Variants in GPM6A observed in about 807,000 individuals in gnomAD.
GPM6A encodes neuronal membrane glycoprotein M6-a.
In GPM6A, 7 loss-of-function variants were observed where a neutral mutation model predicts 32.1. The observed-to-expected ratio is 0.22, with a 90% CI of 0.12 to 0.41. The LOEUF (loss-of-function observed/expected upper bound fraction) is 0.41, where lower values mean the gene tolerates loss of function less well. GPM6A is among the 10% of genes least tolerant of loss of function. GPM6A has a pLI of 1.00. For synonymous variants in GPM6A, 130 were observed against 123.4 expected, an observed-to-expected ratio of 1.05 and a Z score of -0.35; for missense variants, 235 against 347.2, an observed-to-expected ratio of 0.68 and a Z score of 2.57.
rs1431142651 is a variant in GPM6A at position 175,677,268 on chromosome 4, AG to A, written c.231-3433del. On this transcript the variant is annotated intron_variant, in intron 2 of 6. Coordinates refer to ENST00000393658, the MANE Select transcript of GPM6A (RefSeq NM_201591.3). ...CATTTTCATTGTGTAACTACTGTTTAGGCTATAAATTTGGCCTGAAATGTTA... is the reference window on the plus strand; with the variant it reads ...CATTTTCATTGTGTAACTACTGTTTAGCTATAAATTTGGCCTGAAATGTTA... Among the ~76,000 whole-genome samples the A allele has an allele frequency of 5.9e-5, 9 of 152,188 alleles. No individual in the cohort carries two copies. In the South Asian group the frequency reaches 1.0e-3, roughly 18 times the overall value.
chr4:175,691,601 T>C (rs540284962), intron 2 of GPM6A, among the ~76,000 whole-genome samples: 1 of 152,298 alleles, frequency 6.6e-6, no homozygotes, highest in South Asian at 2.1e-4. Flanking sequence ...TTAAACAATG[T>C]TTAGGATATG....
intron 3 of GPM6A, among the ~76,000 whole-genome samples, chr4:175,669,135 A>G (rs754783947): frequency 1.3e-4 from 20 of 152,238 alleles, no homozygotes; most frequent in Non-Finnish European, 2.8e-4. Context: ...ATGGGCATAT[A>G]TAAGTGCCTA....
rs183661120 is a variant in GPM6A, at chr4:175,734,264, T to C, written c.38-32497A>G. Among the ~76,000 whole-genome samples the C allele has an allele frequency of 3.5e-3, 538 of 152,162 alleles. 6 individuals are homozygous for C. The highest frequency in any genetic ancestry group is 6.4e-3 in the Non-Finnish European group (432 of 67,998). Reference sequence around the variant, plus strand: ...CAGAACCAGGTTCTGTTCCCTTGTCTTTAGCTGTTCTCTTTTCTAATTTGC... The same window carrying C: ...CAGAACCAGGTTCTGTTCCCTTGTCCTTAGCTGTTCTCTTTTCTAATTTGC... On this transcript the variant is annotated intron_variant, in intron 1 of 6. Transcript: ENST00000393658.
chr4:175,714,622 C>T (rs757891012), intron 1 of GPM6A, among the ~76,000 whole-genome samples: 1 of 152,090 alleles, frequency 6.6e-6, no homozygotes, highest in Non-Finnish European at 1.5e-5. Flanking sequence ...TATAGTCAGG[C>T]AATTTCTCAA....
At chr4:175,705,590 G>C (rs1745142825) in intron 1 of GPM6A, among the ~76,000 whole-genome samples, 1 of 152,044 alleles carries the variant, frequency 6.6e-6, no homozygotes, top group African/African-American at 2.4e-5. Context: ...TGCTGGCAGG[G>C]GAGCTTCTTT....
chr4:175,984,436 A>T (rs919489203), intron 1 of GPM6A, among the ~76,000 whole-genome samples: 16 of 152,008 alleles, frequency 1.1e-4, no homozygotes, highest in South Asian at 4.2e-4. Context: ...GTGCTGGGAT[A>T]ACAGGCATGA....
At chr4:175,773,637 C>T (rs76630081) in intron 1 of GPM6A, among the ~76,000 whole-genome samples, 3,068 of 152,120 alleles carry the variant, frequency 0.02, 55 homozygotes, top group Non-Finnish European at 0.031. Flanking sequence ...TATTTGTATT[C>T]TTTAGTAAAT....
chr4:175,709,727 CA>C (rs559363193), intron 1 of GPM6A, among the ~76,000 whole-genome samples: 7,609 of 68,548 alleles, frequency 0.11, 301 homozygotes, highest in East Asian at 0.38. Context: ...GACTCCATCT[CA>C]AAAAAAAAAA....
At chr4:175,792,141 T>C (rs1228604212) in intron 1 of GPM6A, among the ~76,000 whole-genome samples, 1 of 152,172 alleles carries the variant, frequency 6.6e-6, no homozygotes, top group African/African-American at 2.4e-5. Flanking sequence ...TATATTTCAG[T>C]CTCTTTAATT....
chr4:175,724,253 A>T (rs1014862372), intron 1 of GPM6A, among the ~76,000 whole-genome samples: 1 of 152,224 alleles, frequency 6.6e-6, no homozygotes, highest in East Asian at 1.9e-4. Context: ...AATGTAAAAA[A>T]GTTGAACTCG....
intron 4 of GPM6A, among the ~76,000 whole-genome samples, chr4:175,651,489 A>G (rs1182327156): frequency 6.6e-6 from 1 of 152,012 alleles, no homozygotes; most frequent in Non-Finnish European, 1.5e-5. Context: ...GCAGTTTATC[A>G]TGGGAGGATA....
chr4:175,958,244 G>C (rs1428693756), intron 1 of GPM6A, among the ~76,000 whole-genome samples: 1 of 152,172 alleles, frequency 6.6e-6, no homozygotes, highest in East Asian at 1.9e-4. Flanking sequence ...TTGCTTTCCT[G>C]TAAAATATTA....
At position 175,701,576 on chromosome 4, in the gene GPM6A, T is replaced by C. The variant is rs754129798; in HGVS notation, c.229A>G (p.Met77Val). 3 of 1,608,018 alleles carry C rather than the reference T, an allele frequency of 1.9e-6. No homozygotes were observed. Among genetic ancestry groups the C allele is most frequent in the Non-Finnish European group, 2.6e-6 (3 of 1,174,562 alleles). ...TAGDTLDVFT[M>V]IDIFKYVIYG... ...ACAAGAAATACTAGAGTGACTTACATGGTAAAAACATCCAGTGTGTCTCCA... is the reference window on the plus strand; with the variant it reads ...ACAAGAAATACTAGAGTGACTTACACGGTAAAAACATCCAGTGTGTCTCCA... The change falls in exon 2 of 7, where the codon ATG (methionine) becomes GTG (valine). Residue 77 changes from methionine to valine, a missense_variant and splice_region_variant. By Grantham distance (21) the Met-to-Val change is conservative (BLOSUM62 1). Around this residue, in one of 3 missense-constraint regions of GPM6A, gnomAD observed 101 missense variants for 171.2 expected, o/e 0.59. Coordinates refer to ENST00000393658, the MANE Select transcript of GPM6A (RefSeq NM_201591.3).
At chr4:175,878,955 G>C (rs962534300) in intron 1 of GPM6A, among the ~76,000 whole-genome samples, 19 of 152,132 alleles carry the variant, frequency 1.2e-4, no homozygotes, top group Admixed American at 1.2e-3. Context: ...ATGCTTTGCT[G>C]CTTAGAAATT....
intron 1 of GPM6A, among the ~76,000 whole-genome samples, chr4:175,757,172 T>G (rs1344175789): frequency 6.6e-6 from 1 of 151,992 alleles, no homozygotes; most frequent in Non-Finnish European, 1.5e-5. Context: ...GAGTGCTGCT[T>G]CAGTCACCCT....
intron 3 of GPM6A, among the ~76,000 whole-genome samples, chr4:175,669,157 C>T (rs1343144933): frequency 6.6e-6 from 1 of 152,130 alleles, no homozygotes; most frequent in Non-Finnish European, 1.5e-5. Flanking sequence ...CAAATATTTC[C>T]CATTATTATT....
chr4:175,892,679 C>T (rs1165593006), intron 1 of GPM6A, among the ~76,000 whole-genome samples: 1 of 152,156 alleles, frequency 6.6e-6, no homozygotes, highest in Non-Finnish European at 1.5e-5. Flanking sequence ...CACCCAATTG[C>T]CCCTTCTCAC....
Position 175,636,260 on chromosome 4 carries a change from GTATATATATATATATA to G in GPM6A, c.685-1219_685-1204del, listed in dbSNP as rs34516159. On this transcript the variant is annotated intron_variant, in intron 6 of 6. Coordinates refer to ENST00000393658, the MANE Select transcript of GPM6A (RefSeq NM_201591.3). Reference sequence around the variant, plus strand: ...TTTACATAGTGAAAGCATAATCACTGTATATATATATATATATATATATATATATATATATATACAT... The same window carrying G: ...TTTACATAGTGAAAGCATAATCACTGTATATATATATATATATATATACAT... Among the ~76,000 whole-genome samples the G allele has an allele frequency of 1.3e-3, 127 of 101,316 alleles. 1 individual carries two copies. Among genetic ancestry groups the G allele is most frequent in the African/African-American group, 3.3e-3 (83 of 25,074 alleles). 66.5% of individuals were successfully genotyped at this position (101,316 alleles called of 152,430 possible).
intron 1 of GPM6A, among the ~76,000 whole-genome samples, chr4:175,846,445 T>C (rs780676046): frequency 6.6e-6 from 1 of 151,988 alleles, no homozygotes; most frequent in Non-Finnish European, 1.5e-5. Context: ...GTCCCCAGAG[T>C]CACTGGCTAA....
Sources: allele counts gnomAD v4.1 joint callset (sites outside exome capture counted in the v4.1 genomes callset), GRCh38; gene constraint gnomAD v4.1.1; regional missense constraint gnomAD v4.1.1; transcripts MANE v1.5; gene names NCBI Gene and HGNC (gene_info 2026-07-23, HGNC 2026-07-21).